DOK6: variants seen among roughly 807,000 people sequenced by gnomAD.
DOK6 encodes the protein docking protein 6.
In DOK6, 22 loss-of-function variants were observed where a neutral mutation model predicts 44.0. The ratio of observed to expected loss-of-function variants is 0.50; its 90% CI spans 0.36 to 0.71. The LOEUF (loss-of-function observed/expected upper bound fraction) is 0.71. Ranked by LOEUF, DOK6 falls within the 30% of genes least tolerant of loss-of-function variation. The pLI, the probability that DOK6 is intolerant of heterozygous loss-of-function variation, is 0.00. For missense variants in DOK6, 340 were observed against 416.4 expected (o/e 0.82, Z 1.60); for synonymous variants, 166 against 145.5 (o/e 1.14, Z -1.01).
intron 7 of DOK6, among the ~76,000 whole-genome samples, chr18:69,818,068 A>G (rs1355340245): frequency 6.6e-6 from 1 of 152,170 alleles, no homozygotes; most frequent in East Asian, 1.9e-4. Flanking sequence ...ACAAATACCT[A>G]TGGAAGGAAG....
chr18:69,569,270 G>A (rs1280367859), intron 2 of DOK6, among the ~76,000 whole-genome samples: 1 of 152,208 alleles, frequency 6.6e-6, no homozygotes, highest in Admixed American at 6.5e-5. Flanking sequence ...CAGAATGAGA[G>A]TGTGGCTGAC....
chr18:69,556,356 T>A (rs1041615788), intron 1 of DOK6, among the ~76,000 whole-genome samples: 8 of 152,182 alleles, frequency 5.3e-5, no homozygotes, highest in African/African-American at 1.9e-4. Flanking sequence ...TCACTCATTC[T>A]TTCATGTTCT....
At chr18:69,799,022 T>A (rs1401769178) in intron 7 of DOK6, among the ~76,000 whole-genome samples, 1 of 152,026 alleles carries the variant, frequency 6.6e-6, no homozygotes, top group Non-Finnish European at 1.5e-5. Context: ...AGCAAGTCAC[T>A]GGATTGTAAA....
intron 6 of DOK6, 132 bp from the exon 7 acceptor site, chr18:69,757,624 T>G: frequency 7.1e-6 from 5 of 704,946 alleles, no homozygotes; most frequent in Non-Finnish European, 1.2e-5. Context: ...AAGTTATCCT[T>G]ACACCGGGGA....
intron 7 of DOK6, among the ~76,000 whole-genome samples, chr18:69,804,518 G>A (rs2575178): frequency 0.78 from 118,545 of 152,100 alleles, 46,594 homozygotes; most frequent in Non-Finnish European, 0.83. Context: ...TACTTTCTAA[G>A]GAGATACTAT....
At chr18:69,766,828 C>A (rs1979731646) in intron 7 of DOK6, among the ~76,000 whole-genome samples, 1 of 152,086 alleles carries the variant, frequency 6.6e-6, no homozygotes, top group Non-Finnish European at 1.5e-5. Context: ...CTGGCAGAGG[C>A]AGATAGGCTG....
At chr18:69,634,760 T>C (rs887972670) in intron 3 of DOK6, among the ~76,000 whole-genome samples, 3 of 152,162 alleles carry the variant, frequency 2.0e-5, no homozygotes, top group Non-Finnish European at 4.4e-5. Context: ...AATAAATAGG[T>C]AATTTCAGAA....
intron 7 of DOK6, among the ~76,000 whole-genome samples, chr18:69,790,143 G>C (rs1980548843): frequency 6.6e-6 from 1 of 152,002 alleles, no homozygotes. Flanking sequence ...ATCAGGAGAA[G>C]CACCAGGCAC....
chr18:69,583,104 T>C (rs889076230), intron 2 of DOK6, among the ~76,000 whole-genome samples: 2 of 152,232 alleles, frequency 1.3e-5, no homozygotes, highest in African/African-American at 4.8e-5. Context: ...TAAATATATG[T>C]AGATAACTTA....
intron 3 of DOK6, chr18:69,662,766 A>G (rs974927873): frequency 6.6e-6 from 1 of 152,156 alleles, no homozygotes; most frequent in Non-Finnish European, 1.5e-5. Context: ...CCCATTGCCA[A>G]CTCCACAATG....
intron 3 of DOK6, among the ~76,000 whole-genome samples, chr18:69,608,949 C>CA (rs35590191): frequency 1.2e-4 from 15 of 124,060 alleles, no homozygotes; most frequent in African/African-American, 3.4e-4. Flanking sequence ...GACTCTGTCT[C>CA]AAAAAAAAAA....
intron 7 of DOK6, among the ~76,000 whole-genome samples, chr18:69,828,636 T>C (rs1351322047): frequency 6.6e-6 from 1 of 151,406 alleles, no homozygotes; most frequent in East Asian, 1.9e-4. Flanking sequence ...ACAAATCAAA[T>C]TATTATAAAC....
intron 2 of DOK6, among the ~76,000 whole-genome samples, chr18:69,583,977 G>A (rs1277592766): frequency 3.8e-4 from 58 of 151,236 alleles, no homozygotes; most frequent in South Asian, 2.7e-3. Flanking sequence ...GCGTGGTGGC[G>A]GGCGCCTGTA....
Position 69,694,090 on chromosome 18 carries a change from AT to A in DOK6, c.410-4312del, listed in dbSNP as rs1167239902. ...AAAAAAAAAAAAAAAAAAAAAAAAA[AT>A]TGATCTATTTAAAAACTCACTGGCT... On this transcript the variant is annotated intron_variant, in intron 4 of 7. Coordinates refer to ENST00000382713, the MANE Select transcript of DOK6 (RefSeq NM_152721.6). Among the ~76,000 whole-genome samples, 174 of 137,824 alleles carry A rather than the reference AT, an allele frequency of 1.3e-3. 1 individual carries two copies. The highest frequency in any genetic ancestry group is 7.2e-3 in the Middle Eastern group (2 of 276). 90.4% of individuals were successfully genotyped at this position (137,824 alleles called of 152,430 possible).
intron 2 of DOK6, among the ~76,000 whole-genome samples, chr18:69,565,035 C>A (rs1220094428): frequency 6.6e-6 from 1 of 152,022 alleles, no homozygotes; most frequent in African/African-American, 2.4e-5. Flanking sequence ...AAATGATCAT[C>A]GAATATGCTG....
intron 1 of DOK6, among the ~76,000 whole-genome samples, chr18:69,529,616 A>G (rs1221929405): frequency 3.9e-5 from 6 of 152,198 alleles, no homozygotes; most frequent in African/African-American, 1.4e-4. Context: ...CCCTGCACTG[A>G]ATGCCTACTA....
chr18:69,436,905 G>A (rs1286980345), intron 1 of DOK6, among the ~76,000 whole-genome samples: 1 of 152,164 alleles, frequency 6.6e-6, no homozygotes, highest in African/African-American at 2.4e-5. Context: ...TTTCTCTAAT[G>A]ACCAGTGATG....
At chr18:69,499,334 T>C (rs1046915396) in intron 1 of DOK6, among the ~76,000 whole-genome samples, 6 of 151,750 alleles carry the variant, frequency 4.0e-5, no homozygotes, top group Non-Finnish European at 7.4e-5. Context: ...TAGAAAACTG[T>C]TTTTAACTCT....
intron 7 of DOK6, among the ~76,000 whole-genome samples, chr18:69,830,534 AC>A (rs779453871): frequency 1.3e-5 from 2 of 152,086 alleles, no homozygotes; most frequent in Non-Finnish European, 2.9e-5. Flanking sequence ...GAAGAAAGCA[AC>A]CCTGCCAACA....
Sources: gnomAD v4.1 joint callset for allele counts (sites outside exome capture counted in the v4.1 genomes callset) on GRCh38, gnomAD v4.1.1 for gene constraint, MANE v1.5 for transcripts, NCBI Gene and HGNC (gene_info 2026-07-23, HGNC 2026-07-21) for gene names.